The following CDKAL1 variants were observed in gnomAD, a reference collection of about 807,000 sequenced individuals.
CDKAL1 encodes threonylcarbamoyladenosine tRNA methylthiotransferase.
Under a neutral mutation model 68.2 loss-of-function variants are expected in CDKAL1, and 32 were observed. That is an observed-to-expected ratio of 0.47 (90% confidence interval 0.35 to 0.63). CDKAL1 has a LOEUF of 0.63. Ranked by LOEUF, CDKAL1 falls within the 30% of genes least tolerant of loss-of-function variation. The pLI, the probability that CDKAL1 is intolerant of heterozygous loss-of-function variation, is 0.00. For synonymous variants in CDKAL1, 234 were observed against 244.3 expected, an observed-to-expected ratio of 0.96 and a Z score of 0.39; for missense variants, 606 against 696.7, an observed-to-expected ratio of 0.87 and a Z score of 1.47.
At chr6:20,986,181 T>C (rs1766442238) in intron 10 of CDKAL1, among the ~76,000 whole-genome samples, 1 of 152,206 alleles carries the variant, frequency 6.6e-6, no homozygotes, top group Admixed American at 6.5e-5. Flanking sequence ...AAGAAAGGTT[T>C]TCTTCCTTCG....
At chr6:20,887,416 C>T (rs1004928114) in intron 9 of CDKAL1, among the ~76,000 whole-genome samples, 2 of 151,930 alleles carry the variant, frequency 1.3e-5, no homozygotes, top group African/African-American at 4.8e-5. Context: ...AGAAACAGCC[C>T]ATGTGTTTAT....
intron 9 of CDKAL1, among the ~76,000 whole-genome samples, chr6:20,877,036 G>A (rs955299496): frequency 7.2e-5 from 11 of 152,170 alleles, no homozygotes; most frequent in Non-Finnish European, 1.6e-4. Context: ...GGAAGGTCTG[G>A]TGATGATGGT....
intron 10 of CDKAL1, 43 bp downstream of exon 10, chr6:20,955,628 C>T (rs1049542489): frequency 2.6e-6 from 4 of 1,566,704 alleles, no homozygotes; most frequent in Non-Finnish European, 3.5e-6. Flanking sequence ...TAGACACTAA[C>T]CAGTCCAGAC....
intron 9 of CDKAL1, among the ~76,000 whole-genome samples, chr6:20,949,812 T>G (rs939987279): frequency 1.3e-5 from 2 of 152,156 alleles, no homozygotes; most frequent in Non-Finnish European, 2.9e-5. Flanking sequence ...TTTCTTGAGA[T>G]GGAGTCTCAT....
At chr6:21,090,218 T>C (rs1031349538) in intron 12 of CDKAL1, among the ~76,000 whole-genome samples, 4 of 152,198 alleles carry the variant, frequency 2.6e-5, no homozygotes, top group Non-Finnish European at 5.9e-5. Flanking sequence ...ATGTTGATAA[T>C]AGGAACTAAC....
At chr6:20,550,592 A>G (rs908564022) in intron 4 of CDKAL1, among the ~76,000 whole-genome samples, 16 of 152,090 alleles carry the variant, frequency 1.1e-4, no homozygotes, top group Non-Finnish European at 1.6e-4. Flanking sequence ...TGGGCAGTCA[A>G]TATGCTTGCT....
chr6:21,017,918 C>G (rs1768431798), intron 11 of CDKAL1, among the ~76,000 whole-genome samples: 1 of 152,020 alleles, frequency 6.6e-6, no homozygotes, highest in Non-Finnish European at 1.5e-5. Context: ...AGGGTGTTAG[C>G]TGAGGTTACC....
At chr6:20,582,382 T>G (rs965604946) in intron 4 of CDKAL1, among the ~76,000 whole-genome samples, 1 of 152,210 alleles carries the variant, frequency 6.6e-6, no homozygotes, top group Non-Finnish European at 1.5e-5. Context: ...TGAATTTCTG[T>G]ATATTTATTT....
chr6:21,016,664 CCA>C (rs1768356247), intron 11 of CDKAL1, among the ~76,000 whole-genome samples: 2 of 147,024 alleles, frequency 1.4e-5, no homozygotes, highest in African/African-American at 4.9e-5. Flanking sequence ...ATCCATCCAT[CCA>C]TCCATCTTAC....
intron 10 of CDKAL1, among the ~76,000 whole-genome samples, chr6:20,964,695 A>G (rs1765218365): frequency 6.6e-6 from 1 of 152,060 alleles, no homozygotes; most frequent in Non-Finnish European, 1.5e-5. Context: ...AAGAATAACT[A>G]ATGGATGCTG....
intron 14 of CDKAL1, among the ~76,000 whole-genome samples, chr6:21,200,246 GA>G (rs1458395556): frequency 1.3e-5 from 2 of 152,176 alleles, no homozygotes; most frequent in Non-Finnish European, 2.9e-5. Flanking sequence ...CTTTTATCAG[GA>G]ATCTCTAGTG....
At chr6:21,111,114 T>C (rs1416260508) in intron 13 of CDKAL1, among the ~76,000 whole-genome samples, 2 of 152,226 alleles carry the variant, frequency 1.3e-5, no homozygotes, top group Non-Finnish European at 2.9e-5. Flanking sequence ...TTCTATATGA[T>C]TGAAATGTTT....
intron 5 of CDKAL1, among the ~76,000 whole-genome samples, chr6:20,695,248 A>G (rs16884131): frequency 0.015 from 2,274 of 152,260 alleles, 47 homozygotes; most frequent in African/African-American, 0.052. Flanking sequence ...AACAAACTTT[A>G]GCGCTGATGG....
chr6:20,976,321 G>A (rs1765844187), intron 10 of CDKAL1, among the ~76,000 whole-genome samples: 1 of 152,078 alleles, frequency 6.6e-6, no homozygotes, highest in Non-Finnish European at 1.5e-5. Context: ...TCTTTGTTAA[G>A]TGAAGTGATG....
chr6:20,891,162 A>G (rs1486512810), intron 9 of CDKAL1, among the ~76,000 whole-genome samples: 1 of 152,208 alleles, frequency 6.6e-6, no homozygotes. Flanking sequence ...CGCATGAGTT[A>G]CAGGCACTAT....
chr6:20,784,290 T>C (rs1308727775), intron 8 of CDKAL1, among the ~76,000 whole-genome samples: 5 of 151,702 alleles, frequency 3.3e-5, no homozygotes, highest in Non-Finnish European at 7.4e-5. Flanking sequence ...TCTAGATTAC[T>C]AATAATACCT....
rs73375738 is a variant in CDKAL1, at chr6:20,960,449, T to C, written c.909+4864T>C. 9.9e-3 allele frequency among the ~76,000 whole-genome samples: 1,507 copies of C among 152,334 alleles called. 28 individuals are homozygous for C. The highest frequency in any genetic ancestry group is 0.034 in the African/African-American group (1,407 of 41,560). On this transcript the variant is annotated intron_variant, in intron 10 of 15. Coordinates refer to ENST00000274695, the MANE Select transcript of CDKAL1 (RefSeq NM_017774.3). ...AGCCTTCCCAAACTCTTCCCACATA[T>C]GTTCTGTGCTTCATAGTACCCCTGT... is the stretch of plus-strand genomic sequence containing the variant.
intron 5 of CDKAL1, among the ~76,000 whole-genome samples, chr6:20,705,465 T>G (rs1429635765): frequency 6.6e-6 from 1 of 152,222 alleles, no homozygotes; most frequent in East Asian, 1.9e-4. Context: ...TTAGCTACTG[T>G]TTGTGGAAGA....
chr6:21,074,999 C>A lies in CDKAL1; in HGVS notation c.1236+9771C>A, dbSNP rs115110917. On this transcript the variant is annotated intron_variant, in intron 12 of 15. Coordinates refer to ENST00000274695, the MANE Select transcript of CDKAL1 (RefSeq NM_017774.3). ...CCTCCCCACTTCTGAGTCTCCAAAG[C>A]CTATTTCCTTGCCAAAAGAATAATC... is the stretch of plus-strand genomic sequence containing the variant. 5.8e-3 allele frequency among the ~76,000 whole-genome samples: 879 copies of A among 151,820 alleles called. 9 individuals are homozygous for A. Among genetic ancestry groups the A allele is most frequent in the African/African-American group, 0.019 (800 of 41,416 alleles).
Sources: gnomAD v4.1 joint callset for allele counts (sites outside exome capture counted in the v4.1 genomes callset) on GRCh38, gnomAD v4.1.1 for gene constraint, MANE v1.5 for transcripts, NCBI Gene and HGNC (gene_info 2026-07-23, HGNC 2026-07-21) for gene names.